The following CDYL variants were observed in gnomAD, a reference collection of about 807,000 sequenced individuals.
The protein encoded by CDYL is chromodomain Y-like protein.
Under a neutral mutation model 47.3 loss-of-function variants are expected in CDYL, and 8 were observed. That is an observed-to-expected ratio of 0.17 (90% CI 0.10 to 0.31). The LOEUF is 0.31. CDYL is among the 10% of genes least tolerant of loss of function. The pLI, the probability that CDYL is intolerant of heterozygous loss-of-function variation, is 1.00. For synonymous variants in CDYL, 266 were observed against 265.0 expected, an observed-to-expected ratio of 1.00 and a Z score of -0.04; for missense variants, 471 against 701.4, an observed-to-expected ratio of 0.67 and a Z score of 3.71.
chr6:4,926,022 A>G (rs955344295), intron 2 of CDYL, among the ~76,000 whole-genome samples: 3 of 152,222 alleles, frequency 2.0e-5, no homozygotes, highest in African/African-American at 7.2e-5. Flanking sequence ...TCTCCCTGCT[A>G]AATCCTAACC....
At chr6:4,923,245 C>T (rs1287194024) in intron 2 of CDYL, among the ~76,000 whole-genome samples, 2 of 152,178 alleles carry the variant, frequency 1.3e-5, no homozygotes, top group Non-Finnish European at 2.9e-5. Flanking sequence ...TACTTCCCAG[C>T]CTCTAGTAAC....
At chr6:4,756,314 C>G (rs1758073481) in intron 3 of CDYL, among the ~76,000 whole-genome samples, 1 of 152,134 alleles carries the variant, frequency 6.6e-6, no homozygotes, top group Non-Finnish European at 1.5e-5. Flanking sequence ...TGATAAAATT[C>G]ACTCCACTCT....
chr6:4,786,517 A>AATT (rs1174101403), intron 1 of CDYL, among the ~76,000 whole-genome samples: 1 of 151,502 alleles, frequency 6.6e-6, no homozygotes, highest in Non-Finnish European at 1.5e-5. Context: ...GTTCAAAAAA[A>AATT]ATTTAAAAAG....
chr6:4,811,605 A>ATTT (rs1426746120), intron 1 of CDYL, among the ~76,000 whole-genome samples: 3 of 140,930 alleles, frequency 2.1e-5, no homozygotes, highest in African/African-American at 5.5e-5. Flanking sequence ...CAATGACATT[A>ATTT]TTCTTTTTTT....
intron 2 of CDYL, among the ~76,000 whole-genome samples, chr6:4,730,072 C>A (rs762922928): frequency 6.6e-5 from 10 of 152,194 alleles, no homozygotes; most frequent in African/African-American, 2.4e-4. Context: ...GTGTCTCCAA[C>A]CACTGGTAGT....
At chr6:4,900,486 G>C (rs1468892357) in intron 2 of CDYL, among the ~76,000 whole-genome samples, 4 of 151,480 alleles carry the variant, frequency 2.6e-5, no homozygotes, top group Admixed American at 1.3e-4. Flanking sequence ...CCTATTCGAG[G>C]ATACATTTTA....
intron 2 of CDYL, among the ~76,000 whole-genome samples, chr6:4,907,404 T>G (rs745316831): frequency 1.1e-4 from 16 of 152,228 alleles, no homozygotes; most frequent in Admixed American, 3.3e-4. Context: ...TCATCCAGGC[T>G]GGAGTACAGT....
At chr6:4,905,387 C>T (rs539023253) in intron 2 of CDYL, among the ~76,000 whole-genome samples, 10 of 152,308 alleles carry the variant, frequency 6.6e-5, no homozygotes, top group African/African-American at 2.2e-4. Context: ...TCTCCTCCCA[C>T]GAGACAGACC....
At chr6:4,895,341 A>ATGCATGTATGTATATATG (rs1762220082) in intron 2 of CDYL, among the ~76,000 whole-genome samples, 2 of 22,222 alleles carry the variant, frequency 9.0e-5, no homozygotes, top group African/African-American at 2.5e-4. Context: ...ATGTGCATAT[A>ATGCATGTATGTATATATG]TGCATGTATG....
Position 4,879,556 on chromosome 6 carries a change from T to G in CDYL, c.25-12157T>G, listed in dbSNP as rs903017837. 1.3e-3 allele frequency among the ~76,000 whole-genome samples: 189 copies of G among 143,538 alleles called. 3 individuals carry two copies. Among genetic ancestry groups the G allele is most frequent in the African/African-American group, 3.7e-3 (144 of 38,618 alleles). 94.2% of individuals were successfully genotyped at this position (143,538 alleles called of 152,430 possible). ...TTTCCATTTCTTTTTTGTGGGGTTT[T>G]TTTTTTTTTTTTTTTTTTTGAGACA... On this transcript the variant is annotated intron_variant, in intron 1 of 6. Coordinates refer to ENST00000397588, the MANE Select transcript of CDYL (RefSeq NM_004824.4).
At chr6:4,933,324 A>T (rs1758086529) in intron 2 of CDYL, among the ~76,000 whole-genome samples, 3 of 152,162 alleles carry the variant, frequency 2.0e-5, no homozygotes, top group African/African-American at 7.2e-5. Flanking sequence ...CTCACCCTGG[A>T]GGAGCAAGCA....
At chr6:4,917,807 C>T (rs1424248413) in intron 2 of CDYL, among the ~76,000 whole-genome samples, 2 of 152,302 alleles carry the variant, frequency 1.3e-5, no homozygotes, top group Non-Finnish European at 2.9e-5. Context: ...CCCCTCCTTA[C>T]TCTGGGTAAT....
intron 3 of CDYL, among the ~76,000 whole-genome samples, chr6:4,749,190 A>G (rs1460555295): frequency 6.6e-6 from 1 of 152,256 alleles, no homozygotes; most frequent in African/African-American, 2.4e-5. Flanking sequence ...GTGAAGGACT[A>G]AGCAATAGGC....
chr6:4,718,913 T>G (rs62384809), intron 2 of CDYL, among the ~76,000 whole-genome samples: 1 of 62,622 alleles, frequency 1.6e-5, no homozygotes, highest in East Asian at 6.2e-4. Context: ...TTTCCACTGG[T>G]TTTTTTTTTT....
intron 3 of CDYL, among the ~76,000 whole-genome samples, chr6:4,749,773 C>T (rs564571836): frequency 5.3e-5 from 8 of 152,250 alleles, no homozygotes; most frequent in Admixed American, 1.3e-4. Context: ...ATGTGTTAAA[C>T]GCCAGGTGAC....
intron 3 of CDYL, among the ~76,000 whole-genome samples, chr6:4,762,002 C>T (rs528024794): frequency 6.6e-6 from 1 of 152,212 alleles, no homozygotes; most frequent in South Asian, 2.1e-4. Flanking sequence ...TGGAGGTGAG[C>T]CCGGAGTTTC....
At chr6:4,713,923 A>G (rs1757203719) in intron 1 of CDYL, among the ~76,000 whole-genome samples, 1 of 152,186 alleles carries the variant, frequency 6.6e-6, no homozygotes, top group African/African-American at 2.4e-5. Context: ...AATATCTAAT[A>G]GGTAAATCAC....
intron 1 of CDYL, among the ~76,000 whole-genome samples, chr6:4,867,612 A>G (rs971750425): frequency 6.6e-6 from 1 of 152,112 alleles, no homozygotes; most frequent in Non-Finnish European, 1.5e-5. Flanking sequence ...TTAATATGGA[A>G]TATTACATTA....
intron 2 of CDYL, among the ~76,000 whole-genome samples, chr6:4,900,779 G>GTATATATATATATA (rs59594195): frequency 1.9e-5 from 1 of 51,676 alleles, no homozygotes; most frequent in African/African-American, 6.3e-5. Context: ...GTATACGTGT[G>GTATATATATATATA]TATATATATA....
Sources: gnomAD v4.1 joint callset for allele counts (sites outside exome capture counted in the v4.1 genomes callset) on GRCh38, gnomAD v4.1.1 for gene constraint, MANE v1.5 for transcripts, NCBI Gene and HGNC (gene_info 2026-07-23, HGNC 2026-07-21) for gene names.